The following INSR variants were observed in gnomAD, a reference collection of about 807,000 sequenced individuals.
The protein encoded by INSR is insulin receptor, also known as IR.
In INSR, 67 loss-of-function variants were observed where a neutral mutation model predicts 142.6. The observed-to-expected ratio is 0.47, with a 90% CI of 0.39 to 0.58. The LOEUF is 0.58. Ranked by LOEUF, INSR falls within the 20% of genes least tolerant of loss-of-function variation. The pLI, the probability that INSR is intolerant of heterozygous loss-of-function variation, is 0.00. For synonymous variants in INSR, 756 were observed against 743.1 expected, an observed-to-expected ratio of 1.02 and a Z score of -0.28; for missense variants, 1,248 against 1,833.2, an observed-to-expected ratio of 0.68 and a Z score of 5.83.
intron 19 of INSR, 27 bp from the exon 20 acceptor site, chr19:7,120,776 C>G (rs376750105): frequency 2.5e-6 from 4 of 1,611,934 alleles, no homozygotes; most frequent in Non-Finnish European, 3.4e-6. Context: ...TTCACACGCT[C>G]TTAACCTTCA....
chr19:7,182,935 A>G (rs1042380893), intron 3 of INSR, among the ~76,000 whole-genome samples: 9 of 151,912 alleles, frequency 5.9e-5, no homozygotes, highest in Non-Finnish European at 1.3e-4. Context: ...ACCTAAAACA[A>G]AAGTCTGTCT....
intron 1 of INSR, among the ~76,000 whole-genome samples, chr19:7,292,571 G>A (rs1031733564): frequency 6.6e-6 from 1 of 151,820 alleles, no homozygotes; most frequent in Non-Finnish European, 1.5e-5. Context: ...ACATGCACCC[G>A]TTTCCCCATC....
At chr19:7,272,386 G>A (rs1040031829) in intron 1 of INSR, among the ~76,000 whole-genome samples, 1 of 152,180 alleles carries the variant, frequency 6.6e-6, no homozygotes, top group Non-Finnish European at 1.5e-5. Context: ...GGGAGGCTGA[G>A]GCAGGTGGAT....
chr19:7,128,926 A>G lies in INSR; in HGVS notation c.2871T>C (p.Ile957=), dbSNP rs564696711. 1 of 1,613,718 alleles carries G rather than the reference A, an allele frequency of 6.2e-7. No homozygotes were observed. The highest frequency in any genetic ancestry group is 1.3e-5 in the African/African-American group (1 of 75,060). ...YLDVPSNIAK[I]IIGPLIFVFL... ...AGACAAAGATGAGGGGGCCGATGAT[A>G]ATTTTTGCAATATTTGACGGGACGT... The change falls in exon 15 of 22, where the codon ATT becomes ATC. Residue 957 remains isoleucine, a synonymous_variant. Coordinates refer to ENST00000302850, the MANE Select transcript of INSR (RefSeq NM_000208.4).
intron 13 of INSR, among the ~76,000 whole-genome samples, chr19:7,135,063 T>G (rs1190981876): frequency 6.2e-4 from 56 of 90,256 alleles, no homozygotes; most frequent in Middle Eastern, 8.3e-3. Flanking sequence ...AGGAGGGGGG[T>G]GGAGAGTGGA....
chr19:7,139,262 C>T (rs375525719), intron 13 of INSR, among the ~76,000 whole-genome samples: 1 of 152,298 alleles, frequency 6.6e-6, no homozygotes, highest in South Asian at 2.1e-4. Context: ...AATAAATGTC[C>T]TTTGTTTTAA....
chr19:7,166,345 G>A lies in INSR; in HGVS notation c.1670C>T (p.Thr557Met), dbSNP rs762498057. The A allele has an allele frequency of 3.5e-5, 56 of 1,613,936 alleles. No individual in the cohort carries two copies. The highest frequency in any genetic ancestry group is 4.1e-5 in the Non-Finnish European group (48 of 1,179,992). ...CAGGGGTGGGTCAATGTCTACCACC[G>A]TCCAACTGTTGGAACCACACGCATC... Reference protein sequence around the residue: ...GQDACGSNSWTVVDIDPPLRS... With the variant: ...GQDACGSNSWMVVDIDPPLRS... Residue 557 changes from threonine (T) to methionine (M), a missense_variant, in exon 8 of 22, where the codon ACG becomes ATG. Coordinates refer to ENST00000302850, the MANE Select transcript of INSR (RefSeq NM_000208.4). The surrounding 1 kb of genome is among the most constrained non-coding windows in gnomAD (Gnocchi z 4.1).
chr19:7,118,222 A>G (rs946136710), intron 21 of INSR, among the ~76,000 whole-genome samples: 3 of 151,952 alleles, frequency 2.0e-5, no homozygotes, highest in African/African-American at 7.2e-5. Context: ...AGCCTGGGTG[A>G]CACAGCGAGA....
chr19:7,158,815 GTTTGTAAGCTTATTTA>G (rs749310865), intron 9 of INSR, among the ~76,000 whole-genome samples: 18 of 152,050 alleles, frequency 1.2e-4, no homozygotes, highest in Non-Finnish European at 2.2e-4. Flanking sequence ...AACAGGAAGG[GTTTGTAAGCTTATTTA>G]TTTGTGTGTG....
chr19:7,121,182 A>T (rs184135452), intron 19 of INSR, among the ~76,000 whole-genome samples: 20 of 152,096 alleles, frequency 1.3e-4, no homozygotes, highest in African/African-American at 4.8e-4. Context: ...TATTTTGAGT[A>T]GAGACAGGGT....
intron 1 of INSR, among the ~76,000 whole-genome samples, chr19:7,271,478 G>C (rs548570042): frequency 6.6e-6 from 1 of 152,244 alleles, no homozygotes; most frequent in Non-Finnish European, 1.5e-5. Context: ...CTGGGCGACA[G>C]AGCGAGACTC....
In INSR at chr19:7,115,546, G is replaced by A. The variant is rs1302630589; in HGVS notation, c.*1510C>T. Reference sequence around the variant, plus strand: ...TGGAGGGGACCAAGACGTACTCTCAGTGCACCTCTCTCTTACATTGCTTAG... The same window carrying A: ...TGGAGGGGACCAAGACGTACTCTCAATGCACCTCTCTCTTACATTGCTTAG... On this transcript the variant is annotated 3_prime_UTR_variant, in exon 22 of 22. Transcript: ENST00000302850. 2 of 152,226 alleles carry A rather than the reference G, an allele frequency of 1.3e-5. No homozygotes were observed. Among genetic ancestry groups the A allele is most frequent in the Non-Finnish European group, 1.5e-5 (1 of 68,082 alleles). 9.4% of individuals were successfully genotyped at this position (152,226 alleles called of 1,614,324 possible). A position where few individuals can be genotyped will look rare whatever the true frequency, so the allele number is the denominator to read the frequency against.
At chr19:7,220,165 C>G (rs1975569322) in intron 2 of INSR, among the ~76,000 whole-genome samples, 1 of 152,156 alleles carries the variant, frequency 6.6e-6, no homozygotes, top group Non-Finnish European at 1.5e-5. Context: ...TGATTCTAAC[C>G]CATGCAAAAT....
Position 7,141,792 on chromosome 19 carries a change from G to C in INSR, c.2567C>G (p.Pro856Arg). The C allele has an allele frequency of 2.5e-6, 4 of 1,614,138 alleles. No individual in the cohort carries two copies. The highest frequency in any genetic ancestry group is 3.4e-6 in the Non-Finnish European group (4 of 1,180,014). ...PEAKADDIVG[P>R]VTHEIFENNV... ...GTTCTCAAAGATTTCATGCGTCACAGGGCCAACAATGTCATCAGCCTTGGC... is the reference window on the plus strand; with the variant it reads ...GTTCTCAAAGATTTCATGCGTCACACGGCCAACAATGTCATCAGCCTTGGC... Residue 856 changes from proline (P) to arginine (R), a missense_variant, in exon 13 of 22, where the codon CCT becomes CGT. By Grantham distance (103) the Pro-to-Arg change is moderately radical. Transcript: ENST00000302850.
intron 2 of INSR, among the ~76,000 whole-genome samples, chr19:7,236,976 G>A (rs1178632746): frequency 4.0e-5 from 6 of 149,874 alleles, no homozygotes; most frequent in Admixed American, 6.7e-5. Flanking sequence ...GCAGTGAGCC[G>A]AGATCGCGCC....
At chr19:7,292,476 G>GGGA (rs1286277946) in intron 1 of INSR, among the ~76,000 whole-genome samples, 2 of 148,734 alleles carry the variant, frequency 1.3e-5, no homozygotes, top group Non-Finnish European at 3.0e-5. Context: ...GGGCTGGGGG[G>GGGA]GGGTGGGCCC....
intron 2 of INSR, among the ~76,000 whole-genome samples, chr19:7,247,461 T>C (rs1283265322): frequency 2.0e-5 from 3 of 152,116 alleles, no homozygotes; most frequent in Non-Finnish European, 2.9e-5. Flanking sequence ...TGATCAACTT[T>C]CCCAAGCCAC....
At chr19:7,232,979 T>A (rs1013062209) in intron 2 of INSR, among the ~76,000 whole-genome samples, 1 of 152,164 alleles carries the variant, frequency 6.6e-6, no homozygotes, top group African/African-American at 2.4e-5. Context: ...TGATACATGT[T>A]GGGTTTGGTT....
intron 1 of INSR, among the ~76,000 whole-genome samples, chr19:7,289,405 C>CTTT (rs777933899): frequency 7.7e-6 from 1 of 130,220 alleles, no homozygotes; most frequent in Non-Finnish European, 1.7e-5. Flanking sequence ...TTTTTCTTTT[C>CTTT]TTTTTTTTTT....
Sources: allele counts gnomAD v4.1 joint callset (sites outside exome capture counted in the v4.1 genomes callset), GRCh38; gene constraint gnomAD v4.1.1; non-coding constraint Gnocchi (gnomAD v3.1); transcripts MANE v1.5; gene names NCBI Gene and HGNC (gene_info 2026-07-23, HGNC 2026-07-21).